The following MYH3 variants were observed in gnomAD, a reference collection of about 807,000 sequenced individuals.
MYH3 encodes myosin-3.
A neutral mutation model predicts 238.0 loss-of-function variants in MYH3; 130 were observed. The ratio of observed to expected loss-of-function variants is 0.55; its 90% CI spans 0.47 to 0.63. The LOEUF (loss-of-function observed/expected upper bound fraction) is 0.63, where lower values mean the gene tolerates loss of function less well. MYH3 is among the 30% of genes least tolerant of loss of function. The pLI, the probability that MYH3 is intolerant of heterozygous loss-of-function variation, is 0.00. For synonymous variants in MYH3, 880 were observed against 924.1 expected (o/e 0.95, Z 0.86); for missense variants, 1,853 against 2,374.9 (o/e 0.78, Z 4.57).
chr17:10,662,770 A>T, the MYH3 span, among the ~76,000 whole-genome samples: 2 of 151,928 alleles, frequency 1.3e-5, no homozygotes, highest in Non-Finnish European at 2.9e-5. Flanking sequence ...CTCCTACCTT[A>T]TTTAGTTATT....
Position 10,638,757 on chromosome 17 carries a change from C to A in MYH3, c.3339+116G>T, listed in dbSNP as rs1302520730. On this transcript the variant is annotated intron_variant, in intron 26 of 40. Coordinates refer to ENST00000583535, the MANE Select transcript of MYH3 (RefSeq NM_002470.4). ...CAGGCCAGCCTAGCAGAAAGGGAAC[C>A]ATGAGGCAGGTGGCCCCACAGTCTT... 3.8e-6 allele frequency: 4 copies of A among 1,047,468 alleles called. No homozygotes were observed. In the African/African-American group the frequency reaches 6.3e-5, roughly 17 times the overall value. The allele number at this position is 1,047,468 out of a possible 1,614,324, so 64.9% of individuals were successfully genotyped here.
rs1171959300 is a variant in MYH3, at chr17:10,638,429, G to A, written c.3343C>T (p.Arg1115Ter). The A allele has an allele frequency of 6.3e-7, 1 of 1,599,708 alleles. No homozygotes were observed. Among genetic ancestry groups the A allele is most frequent in the Non-Finnish European group, 8.5e-7 (1 of 1,179,912 alleles). The change falls in exon 27 of 41, where the codon CGA becomes TGA. Residue 1115 changes from arginine (R) to a stop codon, truncating the protein, a stop_gained. Transcript: ENST00000583535. LOFTEE classifies it high-confidence loss of function. ...ATCTCCTCTTCCAGCTCCTCAATTC[G>A]AGCCTGTGGAGGGCAGCCGTTCACC... ...FQKKIKELQA[R>*]IEELEEEIEA...
chr17:10,653,165 A>G (rs2074395508), intron 3 of MYH3, among the ~76,000 whole-genome samples: 1 of 152,122 alleles, frequency 6.6e-6, no homozygotes, highest in African/African-American at 2.4e-5. Context: ...GTGGGTGGAT[A>G]TGGGTGATGG....
chr17:10,628,779 G>T, intron 40 of MYH3, 100 bp from the exon 41 acceptor site: 1 of 1,255,448 alleles, frequency 8.0e-7, no homozygotes, highest in Non-Finnish European at 1.2e-6. Context: ...GCCTACTTCA[G>T]TGGGACACAG....
Position 10,638,124 on chromosome 17 carries a change from C to A in MYH3, c.3648G>T (p.Gln1216His). The stretch of plus-strand genomic sequence containing the variant: ...ACTCGCTCTTCTCCTTCTCCAGCTT[C>A]TGCTTGACCCGCTGCAGGTTGTCAA... Reference protein sequence around the residue: ...EQIDNLQRVKQKLEKEKSEFK... With the variant: ...EQIDNLQRVKHKLEKEKSEFK... The change falls in exon 27 of 41, where the codon CAG becomes CAT. Residue 1216 changes from glutamine (Q) to histidine (H), a missense_variant. Around this residue, in one of 3 missense-constraint regions of MYH3, gnomAD observed 1,044 missense variants for 1,192.6 expected, o/e 0.88. Transcript: ENST00000583535. 6.2e-7 allele frequency: 1 copy of A among 1,613,884 alleles called. No homozygotes were observed. The highest frequency in any genetic ancestry group is 8.5e-7 in the Non-Finnish European group (1 of 1,179,994).
intron 38 of MYH3, 23 bp from the exon 39 acceptor site, chr17:10,629,960 G>A (rs1303745159): frequency 1.1e-5 from 18 of 1,612,976 alleles, no homozygotes; most frequent in Non-Finnish European, 1.5e-5. Context: ...AAGTGGGAAT[G>A]TCACTGGAGA....
intron 5 of MYH3, among the ~76,000 whole-genome samples, chr17:10,651,246 T>C (rs568562003): frequency 6.6e-6 from 1 of 150,448 alleles, no homozygotes; most frequent in East Asian, 2.0e-4. Flanking sequence ...TAGGCTGAAC[T>C]ATATAAAATG....
chr17:10,633,575 G>A lies in MYH3; in HGVS notation c.4647+16C>T. ...CATGGCTGCATCTGCGCCTGAGCCT[G>A]CCTCCCAGCACTCACCTCTGCTTCC... On this transcript the variant is annotated intron_variant, in intron 33 of 40. Coordinates refer to ENST00000583535, the MANE Select transcript of MYH3 (RefSeq NM_002470.4). 6.2e-7 allele frequency: 1 copy of A among 1,612,070 alleles called. No individual in the cohort carries two copies. The highest frequency in any genetic ancestry group is 8.5e-7 in the Non-Finnish European group (1 of 1,179,858).
In MYH3 at chr17:10,651,673, G is replaced by A. The variant is rs761727960; in HGVS notation, c.349-5C>T. ...ACAGAAGAGGCCTGAGTAGGTCTGT[G>A]GGAGGAAAAACATATACGTGCGTAT... On this transcript the variant is annotated splice_region_variant and splice_polypyrimidine_tract_variant and intron_variant, in intron 4 of 40. Transcript: ENST00000583535. The A allele has an allele frequency of 1.9e-6, 3 of 1,613,974 alleles. No individual in the cohort carries two copies. The highest frequency in any genetic ancestry group is 2.5e-6 in the Non-Finnish European group (3 of 1,179,916).
chr17:10,639,324 T>C lies in MYH3; in HGVS notation c.3076A>G (p.Ser1026Gly), dbSNP rs1223840945. The C allele has an allele frequency of 1.2e-6, 2 of 1,614,176 alleles. No homozygotes were observed. Among genetic ancestry groups the C allele is most frequent in the Non-Finnish European group, 1.7e-6 (2 of 1,180,032 alleles). ...TCTTCCACTTGCTGTTCCAGTTTGCTCTTGGTTTTGTTCAAAGAATTGACT... is the reference window on the plus strand; with the variant it reads ...TCTTCCACTTGCTGTTCCAGTTTGCCCTTGGTTTTGTTCAAAGAATTGACT... Reference protein sequence around the residue: ...DKVNSLNKTKSKLEQQVEDLE... With the variant: ...DKVNSLNKTKGKLEQQVEDLE... The change falls in exon 24 of 41, where the codon AGC becomes GGC. Residue 1026 changes from serine to glycine, a missense_variant. Around this residue, in one of 3 missense-constraint regions of MYH3, gnomAD observed 1,044 missense variants for 1,192.6 expected, o/e 0.88. Transcript: ENST00000583535.
In MYH3 at chr17:10,652,285, G is replaced by A. The variant is rs2285463; in HGVS notation, c.348+135C>T. On this transcript the variant is annotated intron_variant, in intron 4 of 40. Coordinates refer to ENST00000583535, the MANE Select transcript of MYH3 (RefSeq NM_002470.4). ...TGCTTTCTTGCCTTCTTTCTCCTCC[G>A]TCTTTGTGTTTTGTTCATCAGCTAG... The A allele has an allele frequency of 0.66, 754,535 of 1,140,998 alleles. 260,367 individuals are homozygous for A. The highest frequency in any genetic ancestry group is 0.73 in the Non-Finnish European group (563,129 of 770,734). 70.7% of individuals were successfully genotyped at this position (1,140,998 alleles called of 1,614,324 possible).
In MYH3 at chr17:10,638,175, A is replaced by G. The variant is rs1002027258; in HGVS notation, c.3597T>C (p.Asp1199=). ...MVAALRKKHA[D]SVAELGEQID... The stretch of plus-strand genomic sequence containing the variant: ...TCTGCTCCCCAAGCTCGGCCACACT[A>G]TCCGCATGCTTCTTCCTCAGCGCGG... Residue 1199 remains aspartate (D), a synonymous_variant, in exon 27 of 41, where the codon GAT becomes GAC. Transcript: ENST00000583535. 8 of 1,613,584 alleles carry G rather than the reference A, an allele frequency of 5.0e-6. No homozygotes were observed. The highest frequency in any genetic ancestry group is 2.7e-5 in the African/African-American group (2 of 74,736).
rs758241160 is a variant in MYH3 at position 10,642,885 on chromosome 17, C to T, written c.1522G>A (p.Glu508Lys). ...ATCCCGAAGTCAATGAACGTCCACT[C>T]GATGCCTTCCTTCTTGTACTCCTCC... is the stretch of plus-strand genomic sequence containing the variant. ...EQEEYKKEGI[E>K]WTFIDFGMDL... The change falls in exon 15 of 41, where the codon GAG becomes AAG. Residue 508 changes from glutamate to lysine, a missense_variant. Transcript: ENST00000583535. The surrounding 1 kb of genome is among the most constrained non-coding windows in gnomAD (Gnocchi z 5.4). 14 of 1,614,210 alleles carry T rather than the reference C, an allele frequency of 8.7e-6. No homozygotes were observed. Among genetic ancestry groups the T allele is most frequent in the South Asian group, 1.1e-5 (1 of 91,080 alleles).
At chr17:10,647,733 C>T (rs770433153) in intron 8 of MYH3, among the ~76,000 whole-genome samples, 3 of 152,098 alleles carry the variant, frequency 2.0e-5, no homozygotes, top group Middle Eastern at 3.2e-3. Context: ...TTAATAGAGA[C>T]GGGGTTTCAC....
Position 10,640,389 on chromosome 17 carries a change from T to C in MYH3, c.2370A>G (p.Gln790=). 2 of 1,614,228 alleles carry C rather than the reference T, an allele frequency of 1.2e-6. No individual in the cohort carries two copies. Among genetic ancestry groups the C allele is most frequent in the Non-Finnish European group, 1.7e-6 (2 of 1,180,042 alleles). Residue 790 remains glutamine (Q), a synonymous_variant, in exon 21 of 41, where the codon CAA becomes CAG. Coordinates refer to ENST00000583535, the MANE Select transcript of MYH3 (RefSeq NM_002470.4). ...DRLAKLITRT[Q]AVCRGFLMRV... is the part of the protein sequence containing the mutation. ...GCATGAGGAACCCTCTGCACACAGC[T>C]TGTGTCCGGGTGATTAGTTTGGCCA...
the MYH3 span, among the ~76,000 whole-genome samples, chr17:10,664,970 A>G: frequency 1.3e-5 from 2 of 152,154 alleles, no homozygotes; most frequent in African/African-American, 2.4e-5. Context: ...TGCCAGCTAT[A>G]TATCAGGCAT....
rs1445116129 is a variant in MYH3, at chr17:10,635,817, A to G, written c.3893T>C (p.Ile1298Thr). 6.2e-6 allele frequency: 10 copies of G among 1,613,974 alleles called. No individual in the cohort carries two copies. Among genetic ancestry groups the G allele is most frequent in the Non-Finnish European group, 8.5e-6 (10 of 1,180,028 alleles). The change falls in exon 29 of 41, where the codon ATA becomes ACA. Residue 1298 changes from isoleucine (I) to threonine (T), a missense_variant. Transcript: ENST00000583535. ...CTTGCTCCTGGAAAGTTGGGATACT[A>G]TGCTTTCTTTTTCTTCCAGCTGACG... ...LSRQLEEKES[I>T]VSQLSRSKQA... is the part of the protein sequence containing the mutation.
chr17:10,632,758 C>G lies in MYH3; in HGVS notation c.4674G>C (p.Lys1558Asn). 6.2e-7 allele frequency: 1 copy of G among 1,614,228 alleles called. No homozygotes were observed. The highest frequency in any genetic ancestry group is 8.5e-7 in the Non-Finnish European group (1 of 1,180,050). Residue 1558 changes from lysine (K) to asparagine (N), a missense_variant, in exon 34 of 41, where the codon AAG becomes AAC. By Grantham distance (94) the Lys-to-Asn change is moderately conservative. Transcript: ENST00000583535. ...TCAATTCAAGCTGGATTCGGAGGATCTTGGCTTCTTCATGCTCAAGAGCAG... is the reference window on the plus strand; with the variant it reads ...TCAATTCAAGCTGGATTCGGAGGATGTTGGCTTCTTCATGCTCAAGAGCAG... The part of the protein sequence containing the change: ...AEAALEHEEA[K>N]ILRIQLELTQ...
chr17:10,632,695 C>A lies in MYH3; in HGVS notation c.4737G>T (p.Glu1579Asp). The A allele has an allele frequency of 6.2e-7, 1 of 1,614,194 alleles. No individual in the cohort carries two copies. The highest frequency in any genetic ancestry group is 8.5e-7 in the Non-Finnish European group (1 of 1,180,024). Residue 1579 changes from glutamate to aspartate, a missense_variant, in exon 34 of 41, where the codon GAG becomes GAT. Physicochemically the swap from Glu to Asp is conservative, Grantham distance 45. This residue lies in a region of MYH3 where 1,044 missense variants were observed against 1,192.6 expected (regional missense o/e 0.88). Coordinates refer to ENST00000583535, the MANE Select transcript of MYH3 (RefSeq NM_002470.4). Reference protein sequence around the residue: ...VKSEIDRKIAEKDEEIEQLKR... With the variant: ...VKSEIDRKIADKDEEIEQLKR... ...TCAGCTGCTCGATCTCTTCATCCTT[C>A]TCGGCGATCTTTCTATCAATTTCTG...
Sources: gnomAD v4.1 joint callset for allele counts (sites outside exome capture counted in the v4.1 genomes callset) on GRCh38, gnomAD v4.1.1 for gene constraint, gnomAD v4.1.1 regional missense constraint, Gnocchi (gnomAD v3.1) non-coding constraint, MANE v1.5 for transcripts, NCBI Gene and HGNC (gene_info 2026-07-23, HGNC 2026-07-21) for gene names.